Variants in TXNDC11 observed in about 807,000 individuals in gnomAD.
The protein encoded by TXNDC11 is thioredoxin domain containing 11.
A neutral mutation model predicts 78.0 loss-of-function variants in TXNDC11; 68 were observed. The ratio of observed to expected loss-of-function variants is 0.87; its 90% confidence interval spans 0.72 to 1.07. The LOEUF is 1.07. Among genes scored for constraint, TXNDC11 ranks in the 50% least tolerant of loss-of-function variants. The pLI, the probability that TXNDC11 is intolerant of heterozygous loss-of-function variation, is 0.00. For missense variants in TXNDC11, 1,389 were observed against 1,221.8 expected (o/e 1.14, Z -2.04); for synonymous variants, 571 against 495.2 (o/e 1.15, Z -2.03).
intron 3 of TXNDC11, among the ~76,000 whole-genome samples, chr16:11,733,474 C>A (rs1443931838): frequency 2.6e-5 from 4 of 151,290 alleles, no homozygotes. Context: ...TTGCAGTGAG[C>A]GGAGATCGCG....
chr16:11,722,843 T>C (rs528695424), intron 4 of TXNDC11, among the ~76,000 whole-genome samples: 43 of 152,320 alleles, frequency 2.8e-4, no homozygotes, highest in Non-Finnish European at 4.7e-4. Flanking sequence ...AAAATCAATA[T>C]GTTATAAAAA....
intron 5 of TXNDC11, among the ~76,000 whole-genome samples, chr16:11,700,823 T>C (rs1255994294): frequency 5.3e-5 from 8 of 152,206 alleles, no homozygotes; most frequent in Non-Finnish European, 1.0e-4. Flanking sequence ...GTCCCCTGTG[T>C]CCACCTATGA....
chr16:11,738,422 C>G (rs140067328), intron 1 of TXNDC11, among the ~76,000 whole-genome samples: 6 of 152,358 alleles, frequency 3.9e-5, no homozygotes, highest in African/African-American at 1.4e-4. Context: ...GCTGCGGCAG[C>G]TAGCACTGCG....
intron 3 of TXNDC11, among the ~76,000 whole-genome samples, chr16:11,732,444 G>A (rs1424782131): frequency 6.6e-6 from 1 of 152,110 alleles, no homozygotes; most frequent in African/African-American, 2.4e-5. Context: ...ACAGAGTTAA[G>A]TACACCACCT....
rs773784646 is a variant in TXNDC11, at chr16:11,730,626, A to C, written c.699+19T>G. ...TGAAAGGCCTTGAGTATGGAGGAGG[A>C]GATATGAAAGACAAGTACCTCGTAG... is the stretch of plus-strand genomic sequence containing the variant. On this transcript the variant is annotated intron_variant, in intron 4 of 11. Coordinates refer to ENST00000283033, the MANE Select transcript of TXNDC11 (RefSeq NM_015914.7). 6.2e-7 allele frequency: 1 copy of C among 1,612,804 alleles called. No homozygotes were observed. The highest frequency in any genetic ancestry group is 8.5e-7 in the Non-Finnish European group (1 of 1,179,072).
intron 5 of TXNDC11, among the ~76,000 whole-genome samples, chr16:11,708,553 G>A (rs1366170292): frequency 1.3e-5 from 2 of 152,176 alleles, no homozygotes; most frequent in African/African-American, 4.8e-5. Flanking sequence ...TGCTATCATG[G>A]AGACTTCTGC....
At chr16:11,711,216 GA>G (rs2051344462) in intron 5 of TXNDC11, among the ~76,000 whole-genome samples, 1 of 152,234 alleles carries the variant, frequency 6.6e-6, no homozygotes, top group South Asian at 2.1e-4. Context: ...GAGCTGCAGA[GA>G]AAACAGAGTA....
chr16:11,686,256 C>T (rs969835460), intron 10 of TXNDC11, among the ~76,000 whole-genome samples: 12 of 152,214 alleles, frequency 7.9e-5, no homozygotes, highest in African/African-American at 2.9e-4. Context: ...CTGCACCTCG[C>T]CTATATCCTT....
At chr16:11,692,205 A>C (rs967574627) in intron 7 of TXNDC11, 123 bp from the exon 8 acceptor site, 5 of 737,862 alleles carry the variant, frequency 6.8e-6, no homozygotes, top group Non-Finnish European at 8.6e-6. Flanking sequence ...AAAAATACTA[A>C]ATGGAAAATT....
At chr16:11,738,283 T>C (rs998609264) in intron 1 of TXNDC11, among the ~76,000 whole-genome samples, 1 of 152,214 alleles carries the variant, frequency 6.6e-6, no homozygotes, top group Non-Finnish European at 1.5e-5. Context: ...CAAACTAATA[T>C]TTTAACCTTC....
intron 5 of TXNDC11, among the ~76,000 whole-genome samples, chr16:11,703,947 C>T (rs893235368): frequency 6.6e-6 from 1 of 152,158 alleles, no homozygotes; most frequent in African/African-American, 2.4e-5. Context: ...CAAGAATTAG[C>T]CGGATGTGGT....
At chr16:11,700,396 C>T in intron 6 of TXNDC11, 56 bp downstream of exon 6, 1 of 807,986 alleles carries the variant, frequency 1.2e-6, no homozygotes, top group Non-Finnish European at 2.0e-6. Flanking sequence ...GAGTCTGTGA[C>T]CTAAACAAGG....
chr16:11,684,597 T>C (rs941863852), intron 10 of TXNDC11, among the ~76,000 whole-genome samples: 24 of 152,326 alleles, frequency 1.6e-4, no homozygotes, highest in South Asian at 1.0e-3. Flanking sequence ...AAGGAAATCA[T>C]TGAGCAAAAT....
chr16:11,701,763 T>C (rs1317631494), intron 5 of TXNDC11, among the ~76,000 whole-genome samples: 1 of 151,932 alleles, frequency 6.6e-6, no homozygotes, highest in Admixed American at 6.6e-5. Flanking sequence ...AAACATCAAG[T>C]ATTGATGAAA....
chr16:11,715,249 T>C (rs2051494862), intron 5 of TXNDC11, among the ~76,000 whole-genome samples: 1 of 151,878 alleles, frequency 6.6e-6, no homozygotes. Context: ...AACAAAAAAA[T>C]AGTTTAGTGT....
intron 7 of TXNDC11, chr16:11,692,331 G>A (rs1432573430): frequency 4.6e-6 from 2 of 431,806 alleles, no homozygotes; most frequent in East Asian, 3.7e-5. Flanking sequence ...CCATGCTGTG[G>A]ATGCTGCCAG....
chr16:11,698,390 T>C lies in TXNDC11; in HGVS notation c.907-65A>G, dbSNP rs1426682462. 2.8e-6 allele frequency: 4 copies of C among 1,436,838 alleles called. No individual in the cohort carries two copies. The African/African-American group carries it at 4.2e-5, about 15-fold the overall frequency. 89.0% of individuals were successfully genotyped at this position (1,436,838 alleles called of 1,614,324 possible). Reference sequence around the variant, plus strand: ...TGAGGTGGGGCAAGCTCAAGGCACATCAGTGCTGTTCCAACCCCACCACTA... The same window carrying C: ...TGAGGTGGGGCAAGCTCAAGGCACACCAGTGCTGTTCCAACCCCACCACTA... On this transcript the variant is annotated intron_variant, in intron 6 of 11. Transcript: ENST00000283033.
chr16:11,696,323 C>T (rs1349893781), intron 7 of TXNDC11, among the ~76,000 whole-genome samples: 1 of 152,232 alleles, frequency 6.6e-6, no homozygotes, highest in Non-Finnish European at 1.5e-5. Flanking sequence ...TCTGCTAACT[C>T]CTCCCCTGCC....
At chr16:11,735,853 GA>G (rs1408904434) in intron 2 of TXNDC11, among the ~76,000 whole-genome samples, 163 bp downstream of exon 2, 2 of 152,168 alleles carry the variant, frequency 1.3e-5, no homozygotes, top group African/African-American at 4.8e-5. Flanking sequence ...GCCACAATTG[GA>G]AATCCTTTCT....
Sources: allele counts gnomAD v4.1 joint callset (sites outside exome capture counted in the v4.1 genomes callset), GRCh38; gene constraint gnomAD v4.1.1; transcripts MANE v1.5; gene names NCBI Gene and HGNC (gene_info 2026-07-23, HGNC 2026-07-21).